Variants in EPHA5 observed in about 807,000 individuals in gnomAD.
EPHA5 encodes ephrin type-A receptor 5.
EPHA5 carries 60 observed loss-of-function variants against 105.0 expected under a neutral mutation model. That is an observed-to-expected ratio of 0.57 (90% CI 0.46 to 0.71). The LOEUF (loss-of-function observed/expected upper bound fraction) is 0.71, where lower values mean the gene tolerates loss of function less well. Among genes scored for constraint, EPHA5 ranks in the 30% least tolerant of loss-of-function variants. The pLI, the probability that EPHA5 is intolerant of heterozygous loss-of-function variation, is 0.00. For synonymous variants in EPHA5, 513 were observed against 449.1 expected, an observed-to-expected ratio of 1.14 and a Z score of -1.80; for missense variants, 1,218 against 1,274.7, an observed-to-expected ratio of 0.96 and a Z score of 0.68.
At chr4:65,446,750 G>A (rs554012761) in intron 5 of EPHA5, among the ~76,000 whole-genome samples, 8 of 152,206 alleles carry the variant, frequency 5.3e-5, no homozygotes, top group African/African-American at 1.7e-4. Flanking sequence ...AGGGATTGGG[G>A]GTCATTGTAT....
intron 11 of EPHA5, among the ~76,000 whole-genome samples, chr4:65,363,999 C>T (rs1177003460): frequency 6.6e-6 from 1 of 151,462 alleles, no homozygotes; most frequent in African/African-American, 2.4e-5. Flanking sequence ...GATCCTGCCT[C>T]TTGCCTTTCT....
At chr4:65,496,023 T>C (rs1731898726) in intron 3 of EPHA5, among the ~76,000 whole-genome samples, 2 of 152,164 alleles carry the variant, frequency 1.3e-5, no homozygotes, top group African/African-American at 4.8e-5. Flanking sequence ...TGAATTCTGT[T>C]AGATTGGGGA....
intron 11 of EPHA5, among the ~76,000 whole-genome samples, chr4:65,355,783 T>C (rs1256325772): frequency 6.6e-6 from 1 of 151,558 alleles, no homozygotes; most frequent in African/African-American, 2.4e-5. Flanking sequence ...AGGGGACACA[T>C]GGGCAACTCC....
intron 8 of EPHA5, among the ~76,000 whole-genome samples, chr4:65,384,264 C>T (rs989231834): frequency 3.3e-5 from 5 of 151,948 alleles, no homozygotes; most frequent in South Asian, 2.1e-4. Context: ...TACCACTCCT[C>T]TATCAATATT....
At position 65,324,224 on chromosome 4, in the gene EPHA5, A is replaced by G. The variant is rs781471984; in HGVS notation, c.2946-5T>C. 6.3e-7 allele frequency: 1 copy of G among 1,599,714 alleles called. No individual in the cohort carries two copies. Among genetic ancestry groups the G allele is most frequent in the Admixed American group, 1.7e-5 (1 of 59,334 alleles). On this transcript the variant is annotated splice_polypyrimidine_tract_variant and splice_region_variant and intron_variant, in intron 16 of 16. Coordinates refer to ENST00000613740, the MANE Select transcript of EPHA5 (RefSeq NM_001281766.3). ...ACTCCAAGCCGTCTCAAATCCCTGC[A>G]TGAAGAAAGCACACATTGGATGTAT...
chr4:65,401,927 G>C (rs902582135), intron 8 of EPHA5, among the ~76,000 whole-genome samples: 6 of 151,446 alleles, frequency 4.0e-5, no homozygotes, highest in African/African-American at 1.5e-4. Context: ...GAGAGAGAGA[G>C]AGAGAAAGAG....
intron 8 of EPHA5, among the ~76,000 whole-genome samples, chr4:65,376,384 T>A (rs1423090336): frequency 6.6e-6 from 1 of 152,072 alleles, no homozygotes; most frequent in African/African-American, 2.4e-5. Context: ...AGGATTTGTA[T>A]TTATAAATAA....
chr4:65,600,228 A>G (rs1011427275), intron 3 of EPHA5, among the ~76,000 whole-genome samples: 2 of 152,174 alleles, frequency 1.3e-5, no homozygotes, highest in Non-Finnish European at 2.9e-5. Flanking sequence ...GTAAAAGATA[A>G]TATTAGAACA....
intron 5 of EPHA5, among the ~76,000 whole-genome samples, chr4:65,487,819 C>T (rs1163000759): frequency 6.6e-6 from 1 of 152,130 alleles, no homozygotes; most frequent in Non-Finnish European, 1.5e-5. Flanking sequence ...TTAGCTGGCT[C>T]TATGTGTATT....
intron 5 of EPHA5, among the ~76,000 whole-genome samples, chr4:65,429,203 C>T (rs1388960038): frequency 3.3e-5 from 5 of 151,924 alleles, no homozygotes; most frequent in African/African-American, 7.2e-5. Context: ...TAGCAGATAG[C>T]GTGGTGCATT....
intron 5 of EPHA5, among the ~76,000 whole-genome samples, chr4:65,439,784 A>G (rs980363459): frequency 2.6e-5 from 4 of 152,030 alleles, no homozygotes; most frequent in Admixed American, 1.3e-4. Flanking sequence ...TATTTCTTCT[A>G]TTTTCTTTCG....
intron 5 of EPHA5, among the ~76,000 whole-genome samples, chr4:65,444,100 T>C (rs1726284850): frequency 6.6e-6 from 1 of 152,212 alleles, no homozygotes; most frequent in Non-Finnish European, 1.5e-5. Flanking sequence ...TTTACTAATG[T>C]TGCTACCAAG....
At chr4:65,448,883 A>G (rs1726815846) in intron 5 of EPHA5, among the ~76,000 whole-genome samples, 1 of 152,132 alleles carries the variant, frequency 6.6e-6, no homozygotes, top group Non-Finnish European at 1.5e-5. Flanking sequence ...AAGAAAATAA[A>G]TCATAGGGAA....
intron 5 of EPHA5, among the ~76,000 whole-genome samples, chr4:65,483,466 C>T (rs1020456094): frequency 3.9e-5 from 6 of 152,156 alleles, no homozygotes; most frequent in African/African-American, 1.4e-4. Context: ...AACTAGTTTA[C>T]AGTCCCACCA....
intron 3 of EPHA5, among the ~76,000 whole-genome samples, chr4:65,520,466 G>A (rs993439081): frequency 2.6e-5 from 4 of 152,100 alleles, no homozygotes; most frequent in African/African-American, 9.7e-5. Context: ...CATGGTCATG[G>A]GCAAGGACTT....
chr4:65,326,989 C>T (rs1720140006), intron 16 of EPHA5, among the ~76,000 whole-genome samples: 1 of 151,054 alleles, frequency 6.6e-6, no homozygotes, highest in South Asian at 2.1e-4. Context: ...TTGGTTTTGT[C>T]TAAAGGATAT....
chr4:65,402,375 G>T (rs10007340), intron 8 of EPHA5, among the ~76,000 whole-genome samples: 1 of 151,998 alleles, frequency 6.6e-6, no homozygotes, highest in East Asian at 1.9e-4. Flanking sequence ...ACTATCCTTC[G>T]GTTACCAAAT....
In EPHA5 at chr4:65,575,998, G is replaced by GAA. The variant is rs1560720494; in HGVS notation, c.910+25642_910+25643insTT. 9.8e-3 allele frequency among the ~76,000 whole-genome samples: 798 copies of GAA among 81,550 alleles called. 14 individuals carry two copies. Among genetic ancestry groups the GAA allele is most frequent in the Middle Eastern group, 0.016 (3 of 182 alleles). The allele number at this position is 81,550 out of a possible 152,430, so 53.5% of individuals were successfully genotyped here. ...CAAAAAAGAAAGAGAGAGAGAGAGA[G>GAA]AGAGAAAGAAAGAAAGAAAGAAAGA... On this transcript the variant is annotated intron_variant, in intron 3 of 16. Coordinates refer to ENST00000613740, the MANE Select transcript of EPHA5 (RefSeq NM_001281766.3).
At chr4:65,324,954 T>C (rs539411120) in intron 16 of EPHA5, among the ~76,000 whole-genome samples, 14 of 151,462 alleles carry the variant, frequency 9.2e-5, no homozygotes, top group Non-Finnish European at 1.5e-4. Flanking sequence ...CAACATATTA[T>C]GGAGCTCAAG....
Sources: allele counts gnomAD v4.1 joint callset (sites outside exome capture counted in the v4.1 genomes callset), GRCh38; gene constraint gnomAD v4.1.1; transcripts MANE v1.5; gene names NCBI Gene and HGNC (gene_info 2026-07-23, HGNC 2026-07-21).